C1QA: variants seen among roughly 807,000 people sequenced by gnomAD.
C1QA encodes the protein complement C1q A chain, also known as complement C1q subcomponent subunit A.
C1QA carries 3 observed loss-of-function variants against 6.9 expected under a neutral mutation model. The observed-to-expected ratio is 0.44, with a 90% confidence interval of 0.20 to 1.12. The LOEUF (loss-of-function observed/expected upper bound fraction) is 1.12, where lower values mean the gene tolerates loss of function less well. Among genes scored for constraint, C1QA ranks in the 50% most tolerant of loss-of-function variants. The pLI, the probability that C1QA is intolerant of heterozygous loss-of-function variation, is 0.27. For synonymous variants in C1QA, 128 were observed against 134.1 expected (o/e 0.95, Z 0.31); for missense variants, 273 against 326.6 (o/e 0.84, Z 1.26).
In C1QA at chr1:22,639,304, G is replaced by A. The variant is rs767339831; in HGVS notation, c.635G>A (p.Gly212Asp). 47 of 1,614,064 alleles carry A rather than the reference G, an allele frequency of 2.9e-5. 2 individuals carry two copies. In the South Asian group the frequency reaches 5.2e-4, roughly 18 times the overall value. ...GGCATGGTGCTTCAGCTGCAGCAGG[G>A]TGACCAGGTCTGGGTTGAAAAAGAC... ...SGGMVLQLQQ[G>D]DQVWVEKDPK... Residue 212 changes from glycine (G) to aspartate (D), a missense_variant, in exon 3 of 3, where the codon GGT becomes GAT. Physicochemically the swap from Gly to Asp is moderately conservative, Grantham distance 94. Coordinates refer to ENST00000374642, the MANE Select transcript of C1QA (RefSeq NM_015991.4). The surrounding 1 kb of genome is among the most constrained non-coding windows in gnomAD (Gnocchi z 4.6).
At chr1:22,638,711 G>T (rs1036677226) in intron 2 of C1QA, 122 bp from the exon 3 acceptor site, 9 of 1,087,844 alleles carry the variant, frequency 8.3e-6, no homozygotes, top group Admixed American at 2.0e-5. Context: ...AATCAGAATC[G>T]ATGTCCTGAA....
chr1:22,637,482 G>A lies in C1QA; in HGVS notation c.-7-128G>A. The A allele has an allele frequency of 8.5e-7, 1 of 1,181,370 alleles. No homozygotes were observed. Among genetic ancestry groups the A allele is most frequent in the African/African-American group, 1.5e-5 (1 of 66,156 alleles). The allele number at this position is 1,181,370 out of a possible 1,614,324, so 73.2% of individuals were successfully genotyped here. ...GGGCTGGATTGAGAGTGGACATTGA[G>A]AGCCCCAGAGGGTGCATGTGCACTT... On this transcript the variant is annotated intron_variant, in intron 1 of 2. Transcript: ENST00000374642. This position sits in a 1 kb window ranked among gnomAD's most constrained non-coding sequence, Gnocchi z 4.4.
intron 2 of C1QA, among the ~76,000 whole-genome samples, chr1:22,638,278 A>AC (rs1642211973): frequency 6.6e-6 from 1 of 151,564 alleles, no homozygotes; most frequent in African/African-American, 2.4e-5. Flanking sequence ...TCCTTCCAGC[A>AC]CCCCCAACAC....
Position 22,637,918 on chromosome 1 carries a change from C to T in C1QA, c.163+139C>T, listed in dbSNP as rs915614394. Reference sequence around the variant, plus strand: ...TGAATCCTCTCCAGTTTGTACTTGGCCACAGGGGCTAAGGGAGGCCTAGCC... The same window carrying T: ...TGAATCCTCTCCAGTTTGTACTTGGTCACAGGGGCTAAGGGAGGCCTAGCC... On this transcript the variant is annotated intron_variant, in intron 2 of 2. Coordinates refer to ENST00000374642, the MANE Select transcript of C1QA (RefSeq NM_015991.4). This position sits in a 1 kb window ranked among gnomAD's most constrained non-coding sequence, Gnocchi z 4.4. 7 of 1,199,984 alleles carry T rather than the reference C, an allele frequency of 5.8e-6. No individual in the cohort carries two copies. In the Admixed American group the frequency reaches 1.8e-4, roughly 31 times the overall value. The allele number at this position is 1,199,984 out of a possible 1,614,324, so 74.3% of individuals were successfully genotyped here. A position where few individuals can be genotyped will look rare whatever the true frequency, so the allele number is the denominator to read the frequency against.
At position 22,638,352 on chromosome 1, in the gene C1QA, CA is replaced by C. The variant is rs1185659928; in HGVS notation, c.164-480del. Among the ~76,000 whole-genome samples, 13 of 152,282 alleles carry C rather than the reference CA, an allele frequency of 8.5e-5. No individual in the cohort carries two copies. In the East Asian group the frequency reaches 1.7e-3, roughly 20 times the overall value. ...GAGACTCACATTCTAGAAGAAAGGC[CA>C]GGGGTAATGGAAAAGGGAAGAGGTC... is the stretch of plus-strand genomic sequence containing the variant. On this transcript the variant is annotated intron_variant, in intron 2 of 2. Coordinates refer to ENST00000374642, the MANE Select transcript of C1QA (RefSeq NM_015991.4).
Position 22,637,733 on chromosome 1 carries a change from T to C in C1QA, c.117T>C (p.Pro39=). ...GGAAGAAAGGGGAGGCAGGAAGACC[T>C]GGCAGACGGGGGCGGCCAGGCCTCA... ...PDGKKGEAGR[P]GRRGRPGLKG... Residue 39 remains proline (P), a synonymous_variant, in exon 2 of 3, where the codon CCT becomes CCC. Coordinates refer to ENST00000374642, the MANE Select transcript of C1QA (RefSeq NM_015991.4). The surrounding 1 kb of genome is among the most constrained non-coding windows in gnomAD (Gnocchi z 4.4). The C allele has an allele frequency of 6.2e-7, 1 of 1,610,572 alleles. No homozygotes were observed. Among genetic ancestry groups the C allele is most frequent in the Non-Finnish European group, 8.5e-7 (1 of 1,178,786 alleles).
intron 2 of C1QA, 77 bp from the exon 3 acceptor site, chr1:22,638,756 C>A: frequency 6.7e-7 from 1 of 1,489,582 alleles, no homozygotes; most frequent in Non-Finnish European, 9.1e-7. Context: ...ATCCCATAGA[C>A]TCAGGGGGTC....
Position 22,637,443 on chromosome 1 carries a change from T to C in C1QA, c.-7-167T>C, listed in dbSNP as rs1642197608. On this transcript the variant is annotated intron_variant, in intron 1 of 2. Coordinates refer to ENST00000374642, the MANE Select transcript of C1QA (RefSeq NM_015991.4). The surrounding 1 kb of genome is among the most constrained non-coding windows in gnomAD (Gnocchi z 4.4). ...GTGTGAGTTTGTGGTTCTGTGTATA[T>C]GCGTGGGGTCCTGGGGCTGGATTGA... 3 of 765,046 alleles carry C rather than the reference T, an allele frequency of 3.9e-6. No homozygotes were observed. Among genetic ancestry groups the C allele is most frequent in the Non-Finnish European group, 6.5e-6 (3 of 458,862 alleles). 47.4% of individuals were successfully genotyped at this position (765,046 alleles called of 1,614,324 possible).
Position 22,639,659 on chromosome 1 carries a change from TAAC to T in C1QA, c.*255_*257del, listed in dbSNP as rs1642240071. 3 of 573,516 alleles carry T rather than the reference TAAC, an allele frequency of 5.2e-6. No homozygotes were observed. The highest frequency in any genetic ancestry group is 5.9e-5 in the East Asian group (2 of 33,682). The allele number at this position is 573,516 out of a possible 1,614,324, so 35.5% of individuals were successfully genotyped here. On this transcript the variant is annotated 3_prime_UTR_variant, in exon 3 of 3. Coordinates refer to ENST00000374642, the MANE Select transcript of C1QA (RefSeq NM_015991.4). The surrounding 1 kb of genome is among the most constrained non-coding windows in gnomAD (Gnocchi z 4.6). ...CATTGAGAGGGAGGCCTAAGAATAA[TAAC>T]AATCCAGTGCTTAAGAGTCAGGCCC... is the stretch of plus-strand genomic sequence containing the variant.
rs1220582465 is a variant in C1QA at position 22,637,720 on chromosome 1, A to G, written c.104A>G (p.Glu35Gly). 8.1e-6 allele frequency: 13 copies of G among 1,612,780 alleles called. No homozygotes were observed. The highest frequency in any genetic ancestry group is 1.1e-5 in the Non-Finnish European group (13 of 1,179,636). ...LCRAPDGKKG[E>G]AGRPGRRGRP... The stretch of plus-strand genomic sequence containing the variant: ...CGAGCACCAGACGGGAAGAAAGGGG[A>G]GGCAGGAAGACCTGGCAGACGGGGG... Residue 35 changes from glutamate (E) to glycine (G), a missense_variant, in exon 2 of 3, where the codon GAG becomes GGG. Coordinates refer to ENST00000374642, the MANE Select transcript of C1QA (RefSeq NM_015991.4). This position sits in a 1 kb window ranked among gnomAD's most constrained non-coding sequence, Gnocchi z 4.4.
In C1QA at chr1:22,638,943, G is replaced by A. The variant is rs902565316; in HGVS notation, c.274G>A (p.Gly92Arg). 9 of 1,601,682 alleles carry A rather than the reference G, an allele frequency of 5.6e-6. No individual in the cohort carries two copies. The highest frequency in any genetic ancestry group is 1.7e-5 in the Admixed American group (1 of 57,522). The stretch of plus-strand genomic sequence containing the variant: ...CTACCCAGGGCCCAGCGGCCCCCTC[G>A]GAGCCCGTGGCATCCCGGGAATTAA... ...VGYPGPSGPL[G>R]ARGIPGIKGT... Residue 92 changes from glycine to arginine, a missense_variant, in exon 3 of 3, where the codon GGA (glycine) becomes AGA (arginine). Coordinates refer to ENST00000374642, the MANE Select transcript of C1QA (RefSeq NM_015991.4).
chr1:22,637,238 T>C lies in C1QA; in HGVS notation c.-7-372T>C, dbSNP rs967156987. ...CAATGAAATCGATTACCTGTGGGAG[T>C]GTATGAATGTGTGTGTCCGTGCAAG... On this transcript the variant is annotated intron_variant, in intron 1 of 2. Transcript: ENST00000374642. The surrounding 1 kb of genome is among the most constrained non-coding windows in gnomAD (Gnocchi z 4.4). Among the ~76,000 whole-genome samples, 5 of 151,760 alleles carry C rather than the reference T, an allele frequency of 3.3e-5. No homozygotes were observed. Among genetic ancestry groups the C allele is most frequent in the African/African-American group, 1.2e-4 (5 of 41,264 alleles).
In C1QA at chr1:22,637,649, T is replaced by C; in HGVS notation, c.33T>C (p.Cys11=). The change falls in exon 2 of 3, where the codon TGT becomes TGC. Residue 11 remains cysteine (C), a synonymous_variant. Transcript: ENST00000374642. This position sits in a 1 kb window ranked among gnomAD's most constrained non-coding sequence, Gnocchi z 4.4. ...GTCCCCGGGGATGGCTGGTGCTCTGTGTGCTGGCCATATCGCTGGCCTCTA... is the reference window on the plus strand; with the variant it reads ...GTCCCCGGGGATGGCTGGTGCTCTGCGTGCTGGCCATATCGCTGGCCTCTA... MEGPRGWLVL[C]VLAISLASMV... 6.2e-7 allele frequency: 1 copy of C among 1,614,082 alleles called. No individual in the cohort carries two copies. Among genetic ancestry groups the C allele is most frequent in the East Asian group, 2.2e-5 (1 of 44,882 alleles).
Position 22,637,674 on chromosome 1 carries a change from A to T in C1QA, c.58A>T (p.Met20Leu), listed in dbSNP as rs746008058. ...LCVLAISLAS[M>L]VTEDLCRAPD... ...TGTGCTGGCCATATCGCTGGCCTCT[A>T]TGGTGACCGAGGACTTGTGCCGAGC... The change falls in exon 2 of 3, where the codon ATG (methionine) becomes TTG (leucine). Residue 20 changes from methionine (M) to leucine (L), a missense_variant. By Grantham distance (15) the Met-to-Leu change is conservative. Transcript: ENST00000374642. The surrounding 1 kb of genome is among the most constrained non-coding windows in gnomAD (Gnocchi z 4.4). 1.9e-6 allele frequency: 3 copies of T among 1,614,014 alleles called. No homozygotes were observed. In the South Asian group the frequency reaches 3.3e-5, roughly 18 times the overall value.
Position 22,637,102 on chromosome 1 carries a change from G to A in C1QA, c.-8+400G>A, listed in dbSNP as rs546090165. Among the ~76,000 whole-genome samples, 76 of 152,332 alleles carry A rather than the reference G, an allele frequency of 5.0e-4. No homozygotes were observed. Among genetic ancestry groups the A allele is most frequent in the Admixed American group, 4.8e-3 (74 of 15,308 alleles). ...AAAGGCGCTGAGCATGCAGAAGAGT[G>A]AGCAGGTGTCGCTTTGGGCGTTTGT... is the stretch of plus-strand genomic sequence containing the variant. On this transcript the variant is annotated intron_variant, in intron 1 of 2. Coordinates refer to ENST00000374642, the MANE Select transcript of C1QA (RefSeq NM_015991.4). The surrounding 1 kb of genome is among the most constrained non-coding windows in gnomAD (Gnocchi z 4.4).
Position 22,639,473 on chromosome 1 carries a change from C to T in C1QA, c.*66C>T, listed in dbSNP as rs763585444. ...CCATGCTCCGCCTGTAAAATGGGGG[C>T]GCTATTGCTTCAGCTGCTGAAGGGA... On this transcript the variant is annotated 3_prime_UTR_variant, in exon 3 of 3. Coordinates refer to ENST00000374642, the MANE Select transcript of C1QA (RefSeq NM_015991.4). This position sits in a 1 kb window ranked among gnomAD's most constrained non-coding sequence, Gnocchi z 4.6. 43 of 1,566,404 alleles carry T rather than the reference C, an allele frequency of 2.7e-5. No individual in the cohort carries two copies. Among genetic ancestry groups the T allele is most frequent in the Non-Finnish European group, 3.6e-5 (41 of 1,151,892 alleles).
rs1266630125 is a variant in C1QA, at chr1:22,637,089, C to T, written c.-8+387C>T. 2.0e-5 allele frequency among the ~76,000 whole-genome samples: 3 copies of T among 152,202 alleles called. No individual in the cohort carries two copies. The highest frequency in any genetic ancestry group is 4.4e-5 in the Non-Finnish European group (3 of 68,030). On this transcript the variant is annotated intron_variant, in intron 1 of 2. Transcript: ENST00000374642. This position sits in a 1 kb window ranked among gnomAD's most constrained non-coding sequence, Gnocchi z 4.4. ...CAGGTGGATGCTGAAAGGCGCTGAG[C>T]ATGCAGAAGAGTGAGCAGGTGTCGC...
In C1QA at chr1:22,639,509, T is replaced by C. The variant is rs1440680623; in HGVS notation, c.*102T>C. On this transcript the variant is annotated 3_prime_UTR_variant, in exon 3 of 3. Transcript: ENST00000374642. This position sits in a 1 kb window ranked among gnomAD's most constrained non-coding sequence, Gnocchi z 4.6. ...CAGCTGCTGAAGGGAGGGGGCTGGC[T>C]CTGAGAGCCCCAGGACTGGCTGCCC... 2 of 1,370,706 alleles carry C rather than the reference T, an allele frequency of 1.5e-6. No homozygotes were observed. The highest frequency in any genetic ancestry group is 2.0e-6 in the Non-Finnish European group (2 of 991,540). 84.9% of individuals were successfully genotyped at this position (1,370,706 alleles called of 1,614,324 possible).
In C1QA at chr1:22,637,925, G is replaced by C. The variant is rs768206637; in HGVS notation, c.163+146G>C. 83 of 1,116,796 alleles carry C rather than the reference G, an allele frequency of 7.4e-5. No individual in the cohort carries two copies. The highest frequency in any genetic ancestry group is 1.0e-4 in the Non-Finnish European group (82 of 805,316). The allele number at this position is 1,116,796 out of a possible 1,614,324, so 69.2% of individuals were successfully genotyped here. A position where few individuals can be genotyped will look rare whatever the true frequency, so the allele number is the denominator to read the frequency against. On this transcript the variant is annotated intron_variant, in intron 2 of 2. Coordinates refer to ENST00000374642, the MANE Select transcript of C1QA (RefSeq NM_015991.4). The surrounding 1 kb of genome is among the most constrained non-coding windows in gnomAD (Gnocchi z 4.4). ...TCTCCAGTTTGTACTTGGCCACAGG[G>C]GCTAAGGGAGGCCTAGCCTTCTCGG...
Sources: allele counts gnomAD v4.1 joint callset (sites outside exome capture counted in the v4.1 genomes callset), GRCh38; gene constraint gnomAD v4.1.1; non-coding constraint Gnocchi (gnomAD v3.1); transcripts MANE v1.5; gene names NCBI Gene and HGNC (gene_info 2026-07-23, HGNC 2026-07-21).